DCP1A: variants seen among roughly 807,000 people sequenced by gnomAD.
DCP1A encodes the protein decapping mRNA 1A, also known as mRNA-decapping enzyme 1A.
DCP1A carries 20 observed loss-of-function variants against 58.0 expected under a neutral mutation model. That is an observed-to-expected ratio of 0.34 (90% CI 0.24 to 0.50). The LOEUF (loss-of-function observed/expected upper bound fraction) is 0.50. DCP1A is among the 20% of genes least tolerant of loss of function. The probability of loss-of-function intolerance (pLI) is 0.98; values close to 1 mark genes in which losing one functional copy is unlikely to be tolerated. For synonymous variants in DCP1A, 285 were observed against 275.1 expected (o/e 1.04, Z -0.36); for missense variants, 613 against 712.2 (o/e 0.86, Z 1.59).
At position 53,335,326 on chromosome 3, in the gene DCP1A, C is replaced by T. The variant is rs187884848; in HGVS notation, c.304+6818G>A. 0.013 allele frequency among the ~76,000 whole-genome samples: 2,023 copies of T among 151,828 alleles called. 118 individuals carry two copies. In the South Asian group the frequency reaches 0.14, roughly 11 times the overall value. ...CAGCTAATTTTTGTATTTTTAGTAG[C>T]GGTGGGGTTTCACCATGTTGGCCAG... On this transcript the variant is annotated intron_variant, in intron 3 of 9. Coordinates refer to ENST00000610213, the MANE Select transcript of DCP1A (RefSeq NM_018403.7).
chr3:53,304,286 T>G lies in DCP1A; in HGVS notation c.515A>C (p.Gln172Pro). Residue 172 changes from glutamine (Q) to proline (P), a missense_variant, in exon 6 of 10, where the codon CAG becomes CCG. Coordinates refer to ENST00000610213, the MANE Select transcript of DCP1A (RefSeq NM_018403.7). ...GCTGGAGATATTTGAGTCACCCATCTGATTCTTTAAAAAGTTAAAAGAAAA... is the reference window on the plus strand; with the variant it reads ...GCTGGAGATATTTGAGTCACCCATCGGATTCTTTAAAAAGTTAAAAGAAAA... ...SRAKDEYERNQMGDSNISSPG... is the reference protein window; with the variant it reads ...SRAKDEYERNPMGDSNISSPG... The G allele has an allele frequency of 6.2e-7, 1 of 1,607,120 alleles. No individual in the cohort carries two copies. Among genetic ancestry groups the G allele is most frequent in the Non-Finnish European group, 8.5e-7 (1 of 1,177,370 alleles).
intron 5 of DCP1A, among the ~76,000 whole-genome samples, chr3:53,308,068 ATACCACT>A (rs1553688277): frequency 6.6e-6 from 1 of 152,212 alleles, no homozygotes; most frequent in East Asian, 1.9e-4. Flanking sequence ...GTACACAAAC[ATACCACT>A]TACACTTGGA....
At chr3:53,292,934 G>A in intron 6 of DCP1A, 107 bp from the exon 7 acceptor site, 2 of 1,148,288 alleles carry the variant, frequency 1.7e-6, no homozygotes, top group Middle Eastern at 2.1e-4. Context: ...GATGGATGGA[G>A]TATCAAAATA....
intron 8 of DCP1A, among the ~76,000 whole-genome samples, chr3:53,290,213 G>A (rs1553685767): frequency 2.0e-5 from 3 of 152,156 alleles, no homozygotes; most frequent in African/African-American, 7.2e-5. Flanking sequence ...ATGAAGCAAG[G>A]GAGGACAAAT....
chr3:53,339,744 C>A (rs973345574), intron 3 of DCP1A, among the ~76,000 whole-genome samples: 2 of 152,100 alleles, frequency 1.3e-5, no homozygotes, highest in African/African-American at 4.8e-5. Context: ...TAATACAATT[C>A]ATCTCAGGTT....
At chr3:53,336,845 GATTTATTTATTTATTTATTT>G (rs56054437) in intron 3 of DCP1A, among the ~76,000 whole-genome samples, 3 of 144,212 alleles carry the variant, frequency 2.1e-5, no homozygotes, top group Non-Finnish European at 4.5e-5. Flanking sequence ...CCAAAGCCCA[GATTTATTTATTTATTTATTT>G]ATTTATTTAT....
At chr3:53,306,931 C>CTTTTTTTTTTTTTTTT (rs1159787111) in intron 5 of DCP1A, among the ~76,000 whole-genome samples, 1 of 101,558 alleles carries the variant, frequency 9.8e-6, no homozygotes, top group Non-Finnish European at 1.9e-5. Flanking sequence ...CCAGGCTGTT[C>CTTTTTTTTTTTTTTTT]TTTTTTTTTT....
chr3:53,288,458 A>C (rs1706729106), intron 8 of DCP1A, 175 bp from the exon 9 acceptor site: 1 of 601,118 alleles, frequency 1.7e-6, no homozygotes, highest in Non-Finnish European at 2.9e-6. Context: ...ATCTGGTTAT[A>C]AACTTCCATT....
chr3:53,306,028 G>C (rs1553688001), intron 5 of DCP1A, among the ~76,000 whole-genome samples: 1 of 152,172 alleles, frequency 6.6e-6, no homozygotes, highest in Non-Finnish European at 1.5e-5. Flanking sequence ...ACCAAAAACA[G>C]TTCAGAAAAT....
intron 6 of DCP1A, among the ~76,000 whole-genome samples, chr3:53,297,429 C>T (rs1051694000): frequency 1.3e-5 from 2 of 150,870 alleles, no homozygotes; most frequent in Non-Finnish European, 2.9e-5. Flanking sequence ...GGTGTGATCA[C>T]GGCTCACTGC....
chr3:53,323,466 T>G (rs1708027661), intron 3 of DCP1A, among the ~76,000 whole-genome samples: 1 of 152,226 alleles, frequency 6.6e-6, no homozygotes, highest in South Asian at 2.1e-4. Context: ...CTTCCAAGCT[T>G]GGCTAATGAA....
chr3:53,321,524 A>G (rs1707965466), intron 3 of DCP1A, among the ~76,000 whole-genome samples: 1 of 152,238 alleles, frequency 6.6e-6, no homozygotes. Context: ...GTTTGAGACC[A>G]GCCTGGCCAA....
chr3:53,306,884 T>C (rs1707492054), intron 5 of DCP1A, among the ~76,000 whole-genome samples: 1 of 151,472 alleles, frequency 6.6e-6, no homozygotes. Flanking sequence ...TCTTTTGCTA[T>C]TTTTTTGTAG....
intron 3 of DCP1A, among the ~76,000 whole-genome samples, chr3:53,322,846 C>T (rs1299772833): frequency 1.3e-5 from 2 of 150,178 alleles, no homozygotes; most frequent in Admixed American, 6.6e-5. Context: ...TGGAGTCTCA[C>T]TGTCACCCAG....
intron 5 of DCP1A, among the ~76,000 whole-genome samples, chr3:53,309,187 T>C (rs111237929): frequency 2.0e-5 from 3 of 151,710 alleles, no homozygotes; most frequent in Admixed American, 6.6e-5. Flanking sequence ...CTGGCCAACA[T>C]GGTGAAACCC....
intron 2 of DCP1A, among the ~76,000 whole-genome samples, chr3:53,343,119 G>A (rs559100342): frequency 2.0e-5 from 3 of 152,212 alleles, no homozygotes; most frequent in South Asian, 2.1e-4. Flanking sequence ...GTTTCTCTAC[G>A]ATATACCCGG....
rs374467108 is a variant in DCP1A at position 53,312,332 on chromosome 3, T to C, written c.419A>G (p.Lys140Arg). ...TRRSQQAARD[K>R]QSPSQANGCS... ...GCCATTGGCCTGGCTGGGACTCTGT[T>C]TGTCCCGAGCAGCTTGCTGGGATCG... is the stretch of plus-strand genomic sequence containing the variant. Residue 140 changes from lysine to arginine, a missense_variant, in exon 5 of 10, where the codon AAA (lysine) becomes AGA (arginine). Physicochemically the swap from Lys to Arg is conservative, Grantham distance 26 (BLOSUM62 2). Around this residue, in one of 3 missense-constraint regions of DCP1A, gnomAD observed 498 missense variants for 556.7 expected, o/e 0.89. Transcript: ENST00000610213. 5 of 1,613,296 alleles carry C rather than the reference T, an allele frequency of 3.1e-6. No individual in the cohort carries two copies. Among genetic ancestry groups the C allele is most frequent in the Non-Finnish European group, 4.2e-6 (5 of 1,179,664 alleles).
rs1242062161 is a variant in DCP1A, at chr3:53,288,462, T to C, written c.1450-179A>G. 3 of 597,092 alleles carry C rather than the reference T, an allele frequency of 5.0e-6. No individual in the cohort carries two copies. In the African/African-American group the frequency reaches 5.6e-5, roughly 11 times the overall value. 37.0% of individuals were successfully genotyped at this position (597,092 alleles called of 1,614,324 possible). On this transcript the variant is annotated intron_variant, in intron 8 of 9. Transcript: ENST00000610213. Reference sequence around the variant, plus strand: ...GAACATCTGACATCTGGTTATAAACTTCCATTAGCTAAAGGATGACCAGCC... The same window carrying C: ...GAACATCTGACATCTGGTTATAAACCTCCATTAGCTAAAGGATGACCAGCC...
intron 3 of DCP1A, among the ~76,000 whole-genome samples, chr3:53,327,805 AAACAACAACAAAAAAAC>A (rs1553690787): frequency 2.8e-5 from 2 of 71,536 alleles, no homozygotes; most frequent in East Asian, 5.4e-4. Flanking sequence ...AAACAAAACA[AAACAACAACAAAAAAAC>A]AACAACAACA....
Sources: allele counts gnomAD v4.1 joint callset (sites outside exome capture counted in the v4.1 genomes callset), GRCh38; gene constraint gnomAD v4.1.1; regional missense constraint gnomAD v4.1.1; transcripts MANE v1.5; gene names NCBI Gene and HGNC (gene_info 2026-07-23, HGNC 2026-07-21).